IQGAP1: variants seen among roughly 807,000 people sequenced by gnomAD.
The protein encoded by IQGAP1 is IQ motif containing GTPase activating protein 1.
A neutral mutation model predicts 215.6 loss-of-function variants in IQGAP1; 66 were observed. That is an observed-to-expected ratio of 0.31 (90% confidence interval 0.25 to 0.38). The LOEUF (loss-of-function observed/expected upper bound fraction) is 0.38. Among genes scored for constraint, IQGAP1 ranks in the 10% least tolerant of loss-of-function variants. The probability of loss-of-function intolerance (pLI) is 1.00; values close to 1 mark genes in which losing one functional copy is unlikely to be tolerated. For synonymous variants in IQGAP1, 772 were observed against 728.7 expected (o/e 1.06, Z -0.96); for missense variants, 1,712 against 1,997.1 (o/e 0.86, Z 2.72).
At position 90,484,324 on chromosome 15, in the gene IQGAP1, C is replaced by G. The variant is rs755669357; in HGVS notation, c.3893C>G (p.Ser1298Cys). 2.5e-6 allele frequency: 4 copies of G among 1,611,948 alleles called. No homozygotes were observed. The East Asian group carries it at 6.7e-5, about 27-fold the overall frequency. The change falls in exon 30 of 38, where the codon TCC becomes TGC. Residue 1298 changes from serine (S) to cysteine (C), a missense_variant. By Grantham distance (112) the Ser-to-Cys change is moderately radical (BLOSUM62 -1). Transcript: ENST00000268182. ...CTCACCAAACCAGTAATCTACATTT[C>G]CATTGGTGAAATCATCAACACCCAC... ...VTLTKPVIYI[S>C]IGEIINTHTL...
At chr15:90,493,216 C>T (rs1966229494) in intron 35 of IQGAP1, among the ~76,000 whole-genome samples, 1 of 150,098 alleles carries the variant, frequency 6.7e-6, no homozygotes, top group African/African-American at 2.5e-5. Context: ...ACACTCCAGC[C>T]TGGGCGACAG....
At chr15:90,405,695 T>C (rs1964867642) in intron 2 of IQGAP1, among the ~76,000 whole-genome samples, 1 of 151,922 alleles carries the variant, frequency 6.6e-6, no homozygotes, top group Non-Finnish European at 1.5e-5. Context: ...AGGCAAAGGA[T>C]AGTGTATGCA....
At chr15:90,485,465 A>T (rs1458920190) in intron 30 of IQGAP1, among the ~76,000 whole-genome samples, 1 of 151,882 alleles carries the variant, frequency 6.6e-6, no homozygotes, top group African/African-American at 2.4e-5. Flanking sequence ...TTTGAGATGG[A>T]GTCTTGCTCT....
intron 15 of IQGAP1, among the ~76,000 whole-genome samples, chr15:90,459,883 T>C (rs1332660140): frequency 1.3e-5 from 2 of 152,236 alleles, no homozygotes; most frequent in African/African-American, 4.8e-5. Context: ...TGTTTGGTTT[T>C]GGTATCAGGG....
chr15:90,494,931 C>T (rs1246956298), intron 36 of IQGAP1, 96 bp downstream of exon 36: 3 of 831,676 alleles, frequency 3.6e-6, no homozygotes, highest in Non-Finnish European at 3.8e-6. Flanking sequence ...TGGATGGTTA[C>T]TTTTAGTATT....
At chr15:90,418,163 A>C (rs144918249) in intron 2 of IQGAP1, among the ~76,000 whole-genome samples, 1 of 152,186 alleles carries the variant, frequency 6.6e-6, no homozygotes, top group Admixed American at 6.5e-5. Flanking sequence ...TCCACACAGT[A>C]GTCAGTTCGA....
rs764942114 is a variant in IQGAP1 at position 90,448,559 on chromosome 15, C to G, written c.914-14C>G. 1 of 1,556,292 alleles carries G rather than the reference C, an allele frequency of 6.4e-7. No homozygotes were observed. The highest frequency in any genetic ancestry group is 1.2e-5 in the South Asian group (1 of 83,502). ...AACATAGTCCTTTCACAAGCTTTTGCCTTTTTTCCTCAGCATTTTCTGCAT... is the reference window on the plus strand; with the variant it reads ...AACATAGTCCTTTCACAAGCTTTTGGCTTTTTTCCTCAGCATTTTCTGCAT... On this transcript the variant is annotated splice_polypyrimidine_tract_variant and intron_variant, in intron 9 of 37. Transcript: ENST00000268182.
At chr15:90,484,577 C>T (rs1044083011) in intron 30 of IQGAP1, among the ~76,000 whole-genome samples, 5 of 152,040 alleles carry the variant, frequency 3.3e-5, no homozygotes, top group Non-Finnish European at 5.9e-5. Context: ...GGCGCGATCT[C>T]GGCTCACTGC....
chr15:90,428,503 G>GA (rs1198514846), intron 3 of IQGAP1, among the ~76,000 whole-genome samples: 1 of 152,122 alleles, frequency 6.6e-6, no homozygotes, highest in African/African-American at 2.4e-5. Context: ...AAATGGCTGG[G>GA]AGGAGTGGCT....
intron 37 of IQGAP1, 52 bp from the exon 38 acceptor site, chr15:90,499,943 C>A: frequency 1.7e-6 from 2 of 1,166,288 alleles, no homozygotes; most frequent in Non-Finnish European, 2.5e-6. Context: ...GTTCCACAGA[C>A]TTGATTAACT....
chr15:90,455,478 C>T (rs1006346638), intron 14 of IQGAP1, among the ~76,000 whole-genome samples: 3 of 152,150 alleles, frequency 2.0e-5, no homozygotes, highest in African/African-American at 7.2e-5. Context: ...CTCAGGATAT[C>T]CCAAGGGTCT....
chr15:90,431,077 C>T (rs958723194), intron 4 of IQGAP1: 1 of 148,232 alleles, frequency 6.7e-6, no homozygotes, highest in Non-Finnish European at 1.5e-5. Flanking sequence ...TATATTACAA[C>T]ATGTAATTAT....
intron 28 of IQGAP1, 152 bp from the exon 29 acceptor site, chr15:90,483,209 G>A (rs1040315451): frequency 1.5e-5 from 9 of 609,240 alleles, no homozygotes; most frequent in Non-Finnish European, 2.6e-5. Flanking sequence ...GAGAGAGTGT[G>A]TATATGTGCA....
At chr15:90,488,313 A>G (rs1435707482) in intron 33 of IQGAP1, among the ~76,000 whole-genome samples, 7 of 149,518 alleles carry the variant, frequency 4.7e-5, no homozygotes, top group African/African-American at 1.8e-4. Flanking sequence ...ACTTTAAATC[A>G]TCTCTAGACT....
intron 2 of IQGAP1, among the ~76,000 whole-genome samples, chr15:90,410,865 AC>A (rs1361990085): frequency 6.6e-6 from 1 of 151,484 alleles, no homozygotes; most frequent in Non-Finnish European, 1.5e-5. Flanking sequence ...AAAAGAAAAA[AC>A]ATTCCCAAGA....
intron 15 of IQGAP1, among the ~76,000 whole-genome samples, chr15:90,461,811 C>T (rs1435130317): frequency 6.7e-6 from 1 of 150,268 alleles, no homozygotes; most frequent in African/African-American, 2.5e-5. Flanking sequence ...TGGGTGACAG[C>T]GAAGCTGCAT....
At chr15:90,474,783 G>A (rs1319323217) in intron 23 of IQGAP1, 90 bp downstream of exon 23, 2 of 1,004,984 alleles carry the variant, frequency 2.0e-6, no homozygotes, top group Non-Finnish European at 3.1e-6. Flanking sequence ...GGAGGGTGGA[G>A]GCTGACTTTC....
chr15:90,465,671 A>ATCTT (rs1555439882), intron 15 of IQGAP1, among the ~76,000 whole-genome samples: 1 of 89,154 alleles, frequency 1.1e-5, no homozygotes, highest in African/African-American at 3.7e-5. Flanking sequence ...TGGCCAAGCT[A>ATCTT]TGTTTGTTTG....
chr15:90,492,441 A>T, intron 34 of IQGAP1, 104 bp from the exon 35 acceptor site: 50 of 667,854 alleles, frequency 7.5e-5, no homozygotes, highest in Non-Finnish European at 1.0e-4. Context: ...AAAAAAAAAA[A>T]GTAGGTAGTC....
Sources: allele counts gnomAD v4.1 joint callset (sites outside exome capture counted in the v4.1 genomes callset), GRCh38; gene constraint gnomAD v4.1.1; transcripts MANE v1.5; gene names NCBI Gene and HGNC (gene_info 2026-07-23, HGNC 2026-07-21).